ENTPD1: variants seen among roughly 807,000 people sequenced by gnomAD.
ENTPD1 encodes ATP diphosphohydrolase.
A neutral mutation model predicts 57.0 loss-of-function variants in ENTPD1; 33 were observed. The ratio of observed to expected loss-of-function variants is 0.58; its 90% CI spans 0.44 to 0.77. The LOEUF (loss-of-function observed/expected upper bound fraction) is 0.77, where lower values mean the gene tolerates loss of function less well. Among genes scored for constraint, ENTPD1 ranks in the 30% least tolerant of loss-of-function variants. ENTPD1 has a pLI of 0.00. For synonymous variants in ENTPD1, 202 were observed against 218.8 expected (o/e 0.92, Z 0.68); for missense variants, 501 against 603.4 (o/e 0.83, Z 1.78).
chr10:95,808,476 AAT>A (rs2098282107), intron 1 of ENTPD1, among the ~76,000 whole-genome samples: 1 of 152,170 alleles, frequency 6.6e-6, no homozygotes, highest in African/African-American at 2.4e-5. Flanking sequence ...CTATTCTGGG[AAT>A]AGTTTCAGCA....
rs2098474188 is a variant in ENTPD1, at chr10:95,866,168, T to C, written c.1327-9T>C. ...CCAACCACAAACAGACTTTCCCCAC[T>C]GTTTGCAGATCCAGGGCAGCGACGC... is the stretch of plus-strand genomic sequence containing the variant. On this transcript the variant is annotated splice_polypyrimidine_tract_variant and intron_variant, in intron 9 of 9. Coordinates refer to ENST00000371205, the MANE Select transcript of ENTPD1 (RefSeq NM_001776.6). The C allele has an allele frequency of 5.6e-6, 9 of 1,612,000 alleles. No individual in the cohort carries two copies. Among genetic ancestry groups the C allele is most frequent in the Non-Finnish European group, 7.6e-6 (9 of 1,178,984 alleles).
rs1237173608 is a variant in ENTPD1 at position 95,869,655 on chromosome 10, A to T, written c.*3272A>T. On this transcript the variant is annotated 3_prime_UTR_variant, in exon 10 of 10. Transcript: ENST00000371205. ...AGAAGTTTCAATTCATCCAATTCTT[A>T]ATAAGAAATATGTAAATAAAATTTT... The T allele has an allele frequency of 1.0e-6, 1 of 982,284 alleles. No individual in the cohort carries two copies. Among genetic ancestry groups the T allele is most frequent in the Non-Finnish European group, 1.2e-6 (1 of 827,198 alleles). The allele number at this position is 982,284 out of a possible 1,614,324, so 60.8% of individuals were successfully genotyped here.
chr10:95,706,430 G>C, the ENTPD1 span, among the ~76,000 whole-genome samples: 1 of 152,176 alleles, frequency 6.6e-6, no homozygotes, highest in Non-Finnish European at 1.5e-5. Flanking sequence ...CCTCTCTGCA[G>C]ATCCTCCAGT....
At chr10:95,728,427 C>T (rs1433377020) in intron 1 of ENTPD1, among the ~76,000 whole-genome samples, 1 of 151,946 alleles carries the variant, frequency 6.6e-6, no homozygotes, top group East Asian at 1.9e-4. Flanking sequence ...GTGAATTGTC[C>T]ATCTGAAATG....
At chr10:95,849,471 G>T (rs144215985) in intron 7 of ENTPD1, among the ~76,000 whole-genome samples, 2 of 152,306 alleles carry the variant, frequency 1.3e-5, no homozygotes, top group African/African-American at 4.8e-5. Context: ...CCCAGCAAGA[G>T]AGTTTCTCCT....
chr10:95,856,023 G>A (rs538283336), intron 7 of ENTPD1, among the ~76,000 whole-genome samples: 5 of 152,276 alleles, frequency 3.3e-5, no homozygotes, highest in East Asian at 1.9e-4. Flanking sequence ...ATAATATCCC[G>A]CAGAGTGTTT....
intron 1 of ENTPD1, among the ~76,000 whole-genome samples, chr10:95,767,053 A>AT (rs1280512621): frequency 6.6e-6 from 1 of 151,572 alleles, no homozygotes; most frequent in Non-Finnish European, 1.5e-5. Flanking sequence ...CTGATTTTTT[A>AT]TTTTTTGTAG....
intron 1 of ENTPD1, among the ~76,000 whole-genome samples, chr10:95,812,308 C>A (rs1330322098): frequency 2.0e-5 from 3 of 152,166 alleles, no homozygotes; most frequent in African/African-American, 7.2e-5. Context: ...TTGCCTTTTC[C>A]AAAATATCAT....
chr10:95,744,620 CAA>C (rs35460146), intron 1 of ENTPD1, among the ~76,000 whole-genome samples: 125 of 140,828 alleles, frequency 8.9e-4, no homozygotes, highest in South Asian at 2.3e-3. Flanking sequence ...GACTCTGTCT[CAA>C]AAAAAAAAAA....
chr10:95,794,357 G>C (rs2098217722), intron 1 of ENTPD1, among the ~76,000 whole-genome samples: 1 of 152,150 alleles, frequency 6.6e-6, no homozygotes, highest in South Asian at 2.1e-4. Flanking sequence ...TGCCTACTCT[G>C]TGCAGACACT....
rs558050218 is a variant in ENTPD1, at chr10:95,823,178, A to G, written c.17-59A>G. The stretch of plus-strand genomic sequence containing the variant: ...CATTACAAGACCAGACAGAAAGGGG[A>G]GGAAAATCAGTGTTTTTGATTTCTT... On this transcript the variant is annotated intron_variant, in intron 1 of 9. Coordinates refer to ENST00000371205, the MANE Select transcript of ENTPD1 (RefSeq NM_001776.6). 7 of 1,606,600 alleles carry G rather than the reference A, an allele frequency of 4.4e-6. No individual in the cohort carries two copies. In the East Asian group the frequency reaches 1.3e-4, roughly 31 times the overall value.
Position 95,875,595 on chromosome 10 carries a change from CT to C in ENTPD1, c.*9216del. 1.2e-5 allele frequency: 2 copies of C among 170,124 alleles called. No homozygotes were observed. The highest frequency in any genetic ancestry group is 2.4e-5 in the Non-Finnish European group (2 of 81,972). 10.5% of individuals were successfully genotyped at this position (170,124 alleles called of 1,614,324 possible). ...AAGTTGCTTCCACATTTTCGGGTAT[CT>C]TTTCAGCAATGCCCCACTCTACTGG... is the stretch of plus-strand genomic sequence containing the variant. On this transcript the variant is annotated 3_prime_UTR_variant, in exon 10 of 10. Transcript: ENST00000371205.
At chr10:95,829,217 A>G (rs2098388605) in intron 2 of ENTPD1, among the ~76,000 whole-genome samples, 1 of 152,254 alleles carries the variant, frequency 6.6e-6, no homozygotes, top group South Asian at 2.1e-4. Flanking sequence ...GGAAACAAGG[A>G]AGAAGGGAAA....
intron 1 of ENTPD1, among the ~76,000 whole-genome samples, chr10:95,746,982 A>G (rs375079960): frequency 4.2e-4 from 64 of 152,364 alleles, no homozygotes; most frequent in African/African-American, 1.3e-3. Flanking sequence ...ACCAACACCA[A>G]ATAGTACTGA....
Position 95,780,506 on chromosome 10 carries a change from A to G in ENTPD1, c.16+24251A>G, listed in dbSNP as rs190123430. Among the ~76,000 whole-genome samples the G allele has an allele frequency of 1.9e-3, 285 of 152,342 alleles. 1 individual carries two copies. Among genetic ancestry groups the G allele is most frequent in the South Asian group, 4.3e-3 (21 of 4,830 alleles). On this transcript the variant is annotated intron_variant, in intron 1 of 9. Transcript: ENST00000371205. ...TATTTGCCACTACACTAAATCTTTT[A>G]TAAACTGTTTTGCTTTATGAGTCTA... is the stretch of plus-strand genomic sequence containing the variant.
intron 2 of ENTPD1, among the ~76,000 whole-genome samples, chr10:95,838,192 A>G (rs1410398314): frequency 2.6e-5 from 4 of 152,186 alleles, no homozygotes; most frequent in African/African-American, 7.2e-5. Context: ...TCCCAAGTTC[A>G]TATCAGATGT....
intron 1 of ENTPD1, among the ~76,000 whole-genome samples, chr10:95,819,830 G>C (rs1341479167): frequency 6.6e-6 from 1 of 152,194 alleles, no homozygotes; most frequent in Admixed American, 6.5e-5. Context: ...ACAACACTTT[G>C]CCATTGGATA....
At chr10:95,760,242 A>G (rs2098051104) in intron 1 of ENTPD1, among the ~76,000 whole-genome samples, 1 of 152,254 alleles carries the variant, frequency 6.6e-6, no homozygotes, top group Non-Finnish European at 1.5e-5. Context: ...TGGCTTCTGG[A>G]GAAACTTCTC....
intron 7 of ENTPD1, among the ~76,000 whole-genome samples, chr10:95,848,432 G>A (rs2098439364): frequency 6.6e-6 from 1 of 152,096 alleles, no homozygotes; most frequent in African/African-American, 2.4e-5. Flanking sequence ...CATGGATGTG[G>A]AAGTTTGATT....
Sources: gnomAD v4.1 joint callset for allele counts (sites outside exome capture counted in the v4.1 genomes callset) on GRCh38, gnomAD v4.1.1 for gene constraint, MANE v1.5 for transcripts, NCBI Gene and HGNC (gene_info 2026-07-23, HGNC 2026-07-21) for gene names.